Variants in UEVLD observed in about 807,000 individuals in gnomAD.
The protein encoded by UEVLD is ubiquitin-conjugating enzyme E2 variant 3.
UEVLD carries 47 observed loss-of-function variants against 58.6 expected under a neutral mutation model. The observed-to-expected ratio is 0.80, with a 90% CI of 0.63 to 1.02. The LOEUF is 1.02. Among genes scored for constraint, UEVLD ranks in the 50% least tolerant of loss-of-function variants. The pLI, the probability that UEVLD is intolerant of heterozygous loss-of-function variation, is 0.00. For missense variants in UEVLD, 510 were observed against 550.6 expected, an observed-to-expected ratio of 0.93 and a Z score of 0.74; for synonymous variants, 197 against 195.3, an observed-to-expected ratio of 1.01 and a Z score of -0.07.
At chr11:18,550,930 C>G (rs7119085) in intron 7 of UEVLD, among the ~76,000 whole-genome samples, 52,107 of 151,894 alleles carry the variant, frequency 0.34, 10,093 homozygotes, top group Non-Finnish European at 0.45. Flanking sequence ...AATGCAAACC[C>G]CCAGATGATT....
At chr11:18,558,066 C>T (rs545998002) in intron 7 of UEVLD, among the ~76,000 whole-genome samples, 162 bp downstream of exon 7, 1 of 152,298 alleles carries the variant, frequency 6.6e-6, no homozygotes, top group East Asian at 1.9e-4. Flanking sequence ...CCCTGAATGA[C>T]TCTTTGGGTA....
At chr11:18,583,473 C>A (rs1853365867) in intron 1 of UEVLD, among the ~76,000 whole-genome samples, 1 of 152,082 alleles carries the variant, frequency 6.6e-6, no homozygotes, top group Admixed American at 6.5e-5. Context: ...CCTGCTTTGG[C>A]CTCCCAAAAT....
At chr11:18,544,541 C>A in intron 9 of UEVLD, 82 bp downstream of exon 9, 1 of 1,464,114 alleles carries the variant, frequency 6.8e-7, no homozygotes. Flanking sequence ...GTCCTGGCTT[C>A]AAGCAATCCT....
At chr11:18,569,695 T>C (rs1368255095) in intron 4 of UEVLD, among the ~76,000 whole-genome samples, 1 of 152,086 alleles carries the variant, frequency 6.6e-6, no homozygotes, top group Non-Finnish European at 1.5e-5. Context: ...CAATGAAAAA[T>C]GCAGAATACA....
intron 1 of UEVLD, chr11:18,579,560 T>C (rs1853123853): frequency 1.1e-6 from 1 of 925,776 alleles, no homozygotes; most frequent in Admixed American, 6.2e-5. Flanking sequence ...TGGCACTGCA[T>C]CCTGGGTTTC....
At chr11:18,544,894 C>T (rs1851223744) in intron 8 of UEVLD, 98 bp from the exon 9 acceptor site, 1 of 787,690 alleles carries the variant, frequency 1.3e-6, no homozygotes, top group Non-Finnish European at 1.8e-6. Context: ...TATATTAGGT[C>T]CTCAATGCAC....
At chr11:18,580,549 T>C (rs1453502811) in intron 1 of UEVLD, among the ~76,000 whole-genome samples, 2 of 147,688 alleles carry the variant, frequency 1.4e-5, no homozygotes, top group Non-Finnish European at 2.9e-5. Flanking sequence ...TGCTAATATA[T>C]GCTACAACAT....
intron 1 of UEVLD, among the ~76,000 whole-genome samples, chr11:18,579,674 C>CA (rs780821778): frequency 1.1e-4 from 16 of 152,096 alleles, no homozygotes; most frequent in Non-Finnish European, 1.8e-4. Flanking sequence ...GTCTTGTGGG[C>CA]AAAATCATTT....
At chr11:18,584,845 C>A (rs1853458189) in intron 1 of UEVLD, among the ~76,000 whole-genome samples, 1 of 152,116 alleles carries the variant, frequency 6.6e-6, no homozygotes, top group Non-Finnish European at 1.5e-5. Context: ...GTTGGCCAGG[C>A]TGGTCTTGAA....
intron 9 of UEVLD, among the ~76,000 whole-genome samples, chr11:18,540,979 T>C (rs2133965341): frequency 6.6e-6 from 1 of 152,334 alleles, no homozygotes; most frequent in African/African-American, 2.4e-5. Context: ...AAAAGGTCAT[T>C]TAATCAAATA....
intron 3 of UEVLD, among the ~76,000 whole-genome samples, chr11:18,572,769 A>C (rs1252599699): frequency 6.9e-6 from 1 of 145,796 alleles, no homozygotes; most frequent in East Asian, 2.0e-4. Context: ...ATACCATTGC[A>C]CTCCAGCCTG....
At chr11:18,549,679 A>C (rs534146864) in intron 7 of UEVLD, among the ~76,000 whole-genome samples, 1 of 152,188 alleles carries the variant, frequency 6.6e-6, no homozygotes, top group Non-Finnish European at 1.5e-5. Context: ...TTGGCCTCCC[A>C]AAGTGCTGGA....
chr11:18,585,698 C>T (rs1290668685), intron 1 of UEVLD, among the ~76,000 whole-genome samples: 1 of 151,398 alleles, frequency 6.6e-6, no homozygotes, highest in South Asian at 2.1e-4. Context: ...GGTGCAGTGG[C>T]GCATTCTCAG....
chr11:18,543,438 C>T (rs543860810), intron 9 of UEVLD, among the ~76,000 whole-genome samples: 1 of 152,254 alleles, frequency 6.6e-6, no homozygotes, highest in African/African-American at 2.4e-5. Context: ...CGTGCTTTTG[C>T]CTAATTCTGA....
chr11:18,549,422 T>C (rs868818734), intron 7 of UEVLD, among the ~76,000 whole-genome samples: 1 of 152,202 alleles, frequency 6.6e-6, no homozygotes, highest in African/African-American at 2.4e-5. Flanking sequence ...TGATTTCTTT[T>C]CTTTTTTGTT....
chr11:18,570,774 A>T, intron 3 of UEVLD: 1 of 152,780 alleles, frequency 6.5e-6, no homozygotes, highest in Middle Eastern at 3.4e-3. Context: ...AAGAAAAGAA[A>T]TGAGCAGTCT....
In UEVLD at chr11:18,530,306, A is replaced by C. The variant is rs2133943227; in HGVS notation, c.*2014T>G. The C allele has an allele frequency of 6.6e-6, 1 of 152,318 alleles. No individual in the cohort carries two copies. The highest frequency in any genetic ancestry group is 2.1e-4 in the South Asian group (1 of 4,828). 9.4% of individuals were successfully genotyped at this position (152,318 alleles called of 1,614,324 possible). A position where few individuals can be genotyped will look rare whatever the true frequency, so the allele number is the denominator to read the frequency against. On this transcript the variant is annotated 3_prime_UTR_variant, in exon 12 of 12. Transcript: ENST00000396197. ...TAGAACTAAATGCTTTTCTCTTCAA[A>C]TGTCCAAGGTTTTTATTCAGTTAAC...
Position 18,573,166 on chromosome 11 carries a change from G to A in UEVLD, c.193+2181C>T, listed in dbSNP as rs922648360. Reference sequence around the variant, plus strand: ...AGGACAGGCATAGTGCCAATCAGCGGGATTTTACCAATGGTATTAAGATAA... The same window carrying A: ...AGGACAGGCATAGTGCCAATCAGCGAGATTTTACCAATGGTATTAAGATAA... On this transcript the variant is annotated intron_variant, in intron 3 of 11. Coordinates refer to ENST00000396197, the MANE Select transcript of UEVLD (RefSeq NM_001040697.4). Among the ~76,000 whole-genome samples the A allele has an allele frequency of 2.6e-5, 4 of 152,108 alleles. No homozygotes were observed. In the East Asian group the frequency reaches 7.7e-4, roughly 29 times the overall value.
chr11:18,567,299 GGTT>G (rs1251877011), intron 4 of UEVLD, among the ~76,000 whole-genome samples: 1 of 152,130 alleles, frequency 6.6e-6, no homozygotes, highest in Non-Finnish European at 1.5e-5. Context: ...AATCCCAAAT[GGTT>G]GTTATGAGCA....
Sources: gnomAD v4.1 joint callset for allele counts (sites outside exome capture counted in the v4.1 genomes callset) on GRCh38, gnomAD v4.1.1 for gene constraint, MANE v1.5 for transcripts, NCBI Gene and HGNC (gene_info 2026-07-23, HGNC 2026-07-21) for gene names.